The following AGAP1 variants were observed in gnomAD, a reference collection of about 807,000 sequenced individuals.
AGAP1 encodes the protein ArfGAP with GTPase domain, ankyrin repeat and PH domain 1.
AGAP1 carries 29 observed loss-of-function variants against 105.3 expected under a neutral mutation model. The ratio of observed to expected loss-of-function variants is 0.28; its 90% CI spans 0.21 to 0.38. The LOEUF (loss-of-function observed/expected upper bound fraction) is 0.38. Ranked by LOEUF, AGAP1 falls within the 10% of genes least tolerant of loss-of-function variation. AGAP1 has a pLI of 1.00. For missense variants in AGAP1, 998 were observed against 1,165.1 expected, an observed-to-expected ratio of 0.86 and a Z score of 2.09; for synonymous variants, 509 against 485.9, an observed-to-expected ratio of 1.05 and a Z score of -0.63.
Position 235,968,609 on chromosome 2 carries a change from C to A in AGAP1, c.1631C>A (p.Ser544Tyr). The change falls in exon 13 of 18, where the codon TCC becomes TAC. Residue 544 changes from serine to tyrosine, a missense_variant. This residue lies in a region of AGAP1 where 735 missense variants were observed against 833.4 expected (regional missense o/e 0.88). Coordinates refer to ENST00000304032, the MANE Select transcript of AGAP1 (RefSeq NM_001037131.3). Reference sequence around the variant, plus strand: ...AGCAACTTCAAAGCCGACGGCCTGTCCGGCACTGCTGAAGGTAAGGGTTCC... The same window carrying A: ...AGCAACTTCAAAGCCGACGGCCTGTACGGCACTGCTGAAGGTAAGGGTTCC... ...STSNFKADGL[S>Y]GTAEEQEENF... 6.2e-7 allele frequency: 1 copy of A among 1,607,586 alleles called. No homozygotes were observed. Among genetic ancestry groups the A allele is most frequent in the Non-Finnish European group, 8.5e-7 (1 of 1,177,484 alleles).
chr2:236,111,601 G>A (rs935861086), intron 16 of AGAP1, among the ~76,000 whole-genome samples: 51 of 151,766 alleles, frequency 3.4e-4, no homozygotes, highest in Non-Finnish European at 5.0e-4. Flanking sequence ...GACCAGCCTG[G>A]GCAACATGGT....
Position 235,599,005 on chromosome 2 carries a change from C to T in AGAP1, c.163+104156C>T, listed in dbSNP as rs557191054. Among the ~76,000 whole-genome samples the T allele has an allele frequency of 5.8e-4, 89 of 152,254 alleles. No homozygotes were observed. The highest frequency in any genetic ancestry group is 2.3e-3 in the South Asian group (11 of 4,826). ...CCTGTCTTCCTCTTGTTGACATTTG[C>T]GTCTGTGGTGGTGTACACAGATGAG... is the stretch of plus-strand genomic sequence containing the variant. On this transcript the variant is annotated intron_variant, in intron 1 of 17. Transcript: ENST00000304032. The surrounding 1 kb of genome is among the most constrained non-coding windows in gnomAD (Gnocchi z 5.3).
In AGAP1 at chr2:235,631,072, G is replaced by T. The variant is rs543565393; in HGVS notation, c.164-78107G>T. Among the ~76,000 whole-genome samples, 10 of 152,276 alleles carry T rather than the reference G, an allele frequency of 6.6e-5. No homozygotes were observed. Among genetic ancestry groups the T allele is most frequent in the African/African-American group, 2.2e-4 (9 of 41,570 alleles). On this transcript the variant is annotated intron_variant, in intron 1 of 17. Transcript: ENST00000304032. The surrounding 1 kb of genome is among the most constrained non-coding windows in gnomAD (Gnocchi z 5.4). ...ATATTTTGACAGGGCCCACAGTCTA[G>T]CTCCTTCATATGCAAATGCACTGGT...
chr2:235,896,162 T>C (rs181551946), intron 10 of AGAP1, among the ~76,000 whole-genome samples: 18 of 152,330 alleles, frequency 1.2e-4, no homozygotes, highest in Non-Finnish European at 2.1e-4. Context: ...TCTATGAATT[T>C]GTCTGCTCTA....
intron 9 of AGAP1, among the ~76,000 whole-genome samples, chr2:235,838,056 T>C (rs115589131): frequency 0.053 from 8,100 of 152,150 alleles, 684 homozygotes; most frequent in African/African-American, 0.18. Flanking sequence ...CGTCGTGGTG[T>C]GCACATGTAG....
rs371431115 is a variant in AGAP1, at chr2:236,051,773, A to G, written c.2114+2492A>G. Among the ~76,000 whole-genome samples the G allele has an allele frequency of 5.9e-5, 9 of 152,300 alleles. No individual in the cohort carries two copies. The South Asian group carries it at 1.2e-3, about 21-fold the overall frequency. Reference sequence around the variant, plus strand: ...TCCCACCTGTTCCCAAGAGGACTAAAGGCAGCCAGCAAGGTCTGTGTCCCT... The same window carrying G: ...TCCCACCTGTTCCCAAGAGGACTAAGGGCAGCCAGCAAGGTCTGTGTCCCT... On this transcript the variant is annotated intron_variant, in intron 16 of 17. Transcript: ENST00000304032. This position sits in a 1 kb window ranked among gnomAD's most constrained non-coding sequence, Gnocchi z 5.9.
rs769935134 is a variant in AGAP1 at position 236,001,565 on chromosome 2, A to C, written c.1645+32942A>C. The stretch of plus-strand genomic sequence containing the variant: ...GGAGAGACACAGACTGTGGCTTGCA[A>C]GCAGAGCTGGCAGGACTTGCTGAAA... On this transcript the variant is annotated intron_variant, in intron 13 of 17. Transcript: ENST00000304032. The surrounding 1 kb of genome is among the most constrained non-coding windows in gnomAD (Gnocchi z 4.7). Among the ~76,000 whole-genome samples, 2 of 152,158 alleles carry C rather than the reference A, an allele frequency of 1.3e-5. No individual in the cohort carries two copies. Among genetic ancestry groups the C allele is most frequent in the Non-Finnish European group, 2.9e-5 (2 of 68,012 alleles).
Position 235,686,624 on chromosome 2 carries a change from TATATATATATATATATATATAG to T in AGAP1, c.164-22534_164-22513del, listed in dbSNP as rs1559350478. On this transcript the variant is annotated intron_variant, in intron 1 of 17. Coordinates refer to ENST00000304032, the MANE Select transcript of AGAP1 (RefSeq NM_001037131.3). ...ATATATATACGTGGAGATATAGATA[TATATATATATATATATATATAG>T]ATATATATATATATATATATTTTTT... Among the ~76,000 whole-genome samples, 9 of 33,322 alleles carry T rather than the reference TATATATATATATATATATATAG, an allele frequency of 2.7e-4. 1 individual carries two copies. Among genetic ancestry groups the T allele is most frequent in the African/African-American group, 1.1e-3 (8 of 7,426 alleles). 21.9% of individuals were successfully genotyped at this position (33,322 alleles called of 152,430 possible). A position where few individuals can be genotyped will look rare whatever the true frequency, so the allele number is the denominator to read the frequency against.
intron 9 of AGAP1, among the ~76,000 whole-genome samples, chr2:235,828,254 A>G (rs1575569268): frequency 6.6e-6 from 1 of 152,334 alleles, no homozygotes; most frequent in South Asian, 2.1e-4. Context: ...TTTCTGTGGC[A>G]GCCCACTGGA....
At chr2:236,016,979 G>A (rs139937411) in intron 13 of AGAP1, among the ~76,000 whole-genome samples, 6 of 151,900 alleles carry the variant, frequency 3.9e-5, no homozygotes, top group African/African-American at 1.2e-4. Context: ...CATTTCATAC[G>A]GTTTTTAATA....
rs142528396 is a variant in AGAP1 at position 235,883,572 on chromosome 2, C to T, written c.1155+123C>T. ...TTGAAGTGAAAGTCGTATTTGGTCT[C>T]CTGCTCAACTGTGAGATAAATAACC... On this transcript the variant is annotated intron_variant, in intron 10 of 17. Coordinates refer to ENST00000304032, the MANE Select transcript of AGAP1 (RefSeq NM_001037131.3). This position sits in a 1 kb window ranked among gnomAD's most constrained non-coding sequence, Gnocchi z 4.5. 3,484 of 727,988 alleles carry T rather than the reference C, an allele frequency of 4.8e-3. 13 individuals are homozygous for T. Among genetic ancestry groups the T allele is most frequent in the Non-Finnish European group, 6.4e-3 (2,740 of 429,514 alleles). The allele number at this position is 727,988 out of a possible 1,614,324, so 45.1% of individuals were successfully genotyped here. A position where few individuals can be genotyped will look rare whatever the true frequency, so the allele number is the denominator to read the frequency against.
chr2:235,685,711 A>T (rs1949344583), intron 1 of AGAP1, among the ~76,000 whole-genome samples: 1 of 152,008 alleles, frequency 6.6e-6, no homozygotes, highest in African/African-American at 2.4e-5. Flanking sequence ...AAACAGAAAT[A>T]TTTGGCTCCA....
At chr2:236,064,674 A>G (rs1338432312) in intron 16 of AGAP1, among the ~76,000 whole-genome samples, 1 of 152,050 alleles carries the variant, frequency 6.6e-6, no homozygotes, top group Non-Finnish European at 1.5e-5. Context: ...TTAAACCCAC[A>G]CTGCTGCAGA....
intron 1 of AGAP1, among the ~76,000 whole-genome samples, chr2:235,587,852 T>C (rs1046229517): frequency 3.9e-5 from 6 of 152,060 alleles, no homozygotes; most frequent in Non-Finnish European, 8.8e-5. Context: ...CACAGGGGTC[T>C]CCAGGTCCTG....
chr2:235,910,990 C>G (rs1263026012), intron 11 of AGAP1, among the ~76,000 whole-genome samples: 1 of 152,170 alleles, frequency 6.6e-6, no homozygotes, highest in African/African-American at 2.4e-5. Context: ...TCCCTAACCT[C>G]TAGAATTCTT....
At chr2:236,077,899 G>A (rs1283438022) in intron 16 of AGAP1, among the ~76,000 whole-genome samples, 1 of 152,174 alleles carries the variant, frequency 6.6e-6, no homozygotes, top group Non-Finnish European at 1.5e-5. Flanking sequence ...TGCCCTCTGT[G>A]TACATCTGTT....
chr2:235,944,934 T>C (rs1234928904), intron 12 of AGAP1, among the ~76,000 whole-genome samples: 3 of 152,166 alleles, frequency 2.0e-5, no homozygotes, highest in South Asian at 2.1e-4. Context: ...GGCTTTTACA[T>C]AGGACCTTCT....
intron 2 of AGAP1, among the ~76,000 whole-genome samples, chr2:235,711,515 G>A (rs1169814036): frequency 1.3e-5 from 2 of 152,220 alleles, no homozygotes; most frequent in Non-Finnish European, 2.9e-5. Context: ...GAAACGGACT[G>A]TCTTAAGGCT....
intron 10 of AGAP1, among the ~76,000 whole-genome samples, chr2:235,907,652 A>G (rs2051371351): frequency 6.6e-6 from 1 of 152,108 alleles, no homozygotes; most frequent in East Asian, 1.9e-4. Flanking sequence ...CTCTGTATTC[A>G]TGGGGGATTG....
Sources: gnomAD v4.1 joint callset for allele counts (sites outside exome capture counted in the v4.1 genomes callset) on GRCh38, gnomAD v4.1.1 for gene constraint, gnomAD v4.1.1 regional missense constraint, Gnocchi (gnomAD v3.1) non-coding constraint, MANE v1.5 for transcripts, NCBI Gene and HGNC (gene_info 2026-07-23, HGNC 2026-07-21) for gene names.